MIER3: variants seen among roughly 807,000 people sequenced by gnomAD.
The protein encoded by MIER3 is MIER family member 3, also known as mesoderm induction early response protein 3.
Under a neutral mutation model 63.2 loss-of-function variants are expected in MIER3, and 9 were observed. That is an observed-to-expected ratio of 0.14 (90% CI 0.09 to 0.25). MIER3 has a LOEUF of 0.25. Among genes scored for constraint, MIER3 ranks in the 10% least tolerant of loss-of-function variants. The probability of loss-of-function intolerance (pLI) is 1.00; values close to 1 mark genes in which losing one functional copy is unlikely to be tolerated. For synonymous variants in MIER3, 205 were observed against 224.9 expected (o/e 0.91, Z 0.79); for missense variants, 512 against 666.2 (o/e 0.77, Z 2.55).
intron 6 of MIER3, 83 bp from the exon 7 acceptor site, chr5:56,935,583 A>G: frequency 6.6e-7 from 1 of 1,513,206 alleles, no homozygotes; most frequent in Non-Finnish European, 9.0e-7. Context: ...CAGTTTCTAC[A>G]AGTCAAAACA....
In MIER3 at chr5:56,937,642, C is replaced by T. The variant is rs145573991; in HGVS notation, c.372G>A (p.Ala124=). The T allele has an allele frequency of 3.5e-5, 56 of 1,612,006 alleles. 1 individual carries two copies. The African/African-American group carries it at 4.7e-4, about 13-fold the overall frequency. The change falls in exon 5 of 13, where the codon GCG becomes GCA. Residue 124 remains alanine (A), a synonymous_variant. Transcript: ENST00000381199. The part of the protein sequence containing the change: ...SGDDEETQSS[A]DDLTPSVTSH... The stretch of plus-strand genomic sequence containing the variant: ...AAGTCACAGATGGCGTCAGATCATC[C>T]GCAGAAGACTGAGTTTCCTCGTCAT...
chr5:56,928,770 A>G lies in MIER3; in HGVS notation c.921T>C (p.Asn307=). Residue 307 remains asparagine (N), a synonymous_variant, in exon 10 of 13, where the codon AAT becomes AAC. Coordinates refer to ENST00000381199, the MANE Select transcript of MIER3 (RefSeq NM_001297599.2). Reference sequence around the variant, plus strand: ...TGTACTAATCTGCCTAATTTACCTTATTCTTCTGTATAAGATGAAAATCTT... The same window carrying G: ...TGTACTAATCTGCCTAATTTACCTTGTTCTTCTGTATAAGATGAAAATCTT... The part of the protein sequence containing the change: ...FGKDFHLIQK[N]KVRTRTVAEC... 2 of 1,608,304 alleles carry G rather than the reference A, an allele frequency of 1.2e-6. No homozygotes were observed. Among genetic ancestry groups the G allele is most frequent in the Non-Finnish European group, 1.7e-6 (2 of 1,175,472 alleles).
intron 4 of MIER3, chr5:56,938,452 C>A: frequency 2.2e-6 from 1 of 454,750 alleles, no homozygotes; most frequent in South Asian, 1.6e-5. Context: ...AGATGGATCA[C>A]CGCGGTCTTG....
At chr5:56,939,146 G>T in intron 3 of MIER3, 129 bp from the exon 4 acceptor site, 1 of 1,028,478 alleles carries the variant, frequency 9.7e-7, no homozygotes, top group Non-Finnish European at 1.3e-6. Context: ...GCAAGTTTCA[G>T]TTTTTCTTTT....
chr5:56,951,430 T>C (rs1294777625), intron 1 of MIER3, among the ~76,000 whole-genome samples: 1 of 152,062 alleles, frequency 6.6e-6, no homozygotes, highest in Non-Finnish European at 1.5e-5. Flanking sequence ...AAACTGGAGC[T>C]ATCAAGCCGC....
chr5:56,927,341 A>G (rs1750042819), intron 10 of MIER3, among the ~76,000 whole-genome samples: 1 of 152,246 alleles, frequency 6.6e-6, no homozygotes, highest in African/African-American at 2.4e-5. Flanking sequence ...ATAGGAGTGG[A>G]AGGGACATAA....
chr5:56,926,767 C>A (rs1317732823), intron 10 of MIER3, among the ~76,000 whole-genome samples: 1 of 152,062 alleles, frequency 6.6e-6, no homozygotes, highest in Non-Finnish European at 1.5e-5. Context: ...AAAACCTGCA[C>A]ATGAATATTT....
At position 56,939,006 on chromosome 5, in the gene MIER3, C is replaced by T; in HGVS notation, c.192G>A (p.Met64Ile). 1 of 1,614,118 alleles carries T rather than the reference C, an allele frequency of 6.2e-7. No homozygotes were observed. ...EIEDLEKEGT[M>I]PLEDLLAFYG... ...AGAATGCCAGTAAATCTTCTAGAGG[C>T]ATGGTTCCTTCCTGTTCAAGCCAGG... The change falls in exon 4 of 13, where the codon ATG becomes ATA. Residue 64 changes from methionine to isoleucine, a missense_variant. Physicochemically the swap from Met to Ile is conservative, Grantham distance 10 (BLOSUM62 1). This residue lies in a region of MIER3 where 98 missense variants were observed against 107.4 expected (regional missense o/e 0.91). Transcript: ENST00000381199.
chr5:56,939,873 C>T (rs1750581140), intron 3 of MIER3, among the ~76,000 whole-genome samples: 1 of 152,188 alleles, frequency 6.6e-6, no homozygotes, highest in Non-Finnish European at 1.5e-5. Flanking sequence ...TATGCTACAC[C>T]ATATAGCCTA....
At chr5:56,932,770 CTAAA>C (rs1400811386) in intron 8 of MIER3, among the ~76,000 whole-genome samples, 3 of 151,938 alleles carry the variant, frequency 2.0e-5, no homozygotes, top group Non-Finnish European at 2.9e-5. Context: ...TAATCACTTC[CTAAA>C]TAAAGTTGAG....
intron 1 of MIER3, among the ~76,000 whole-genome samples, chr5:56,951,601 T>C (rs976364624): frequency 3.3e-5 from 5 of 152,090 alleles, no homozygotes; most frequent in African/African-American, 4.8e-5. Flanking sequence ...GTGCGGCTCC[T>C]TCGCGCCGCA....
intron 6 of MIER3, 45 bp downstream of exon 6, chr5:56,935,621 A>T (rs757602582): frequency 1.3e-6 from 2 of 1,562,588 alleles, no homozygotes; most frequent in Admixed American, 1.8e-5. Context: ...CATTTCAGAA[A>T]TATTTTTAAA....
Position 56,923,234 on chromosome 5 carries a change from T to TTGGCAC in MIER3, c.1541_1546dup (p.Ser514_Ala515dup). On this transcript the variant is annotated inframe_insertion, in exon 13 of 13. Coordinates refer to ENST00000381199, the MANE Select transcript of MIER3 (RefSeq NM_001297599.2). ...AAAGTCAGCCACAGAAACAGCCATT[T>TTGGCAC]TGGCACTGGTGATGTGATGTGTGTG... 1 of 1,614,106 alleles carries TTGGCAC rather than the reference T, an allele frequency of 6.2e-7. No homozygotes were observed. The highest frequency in any genetic ancestry group is 8.5e-7 in the Non-Finnish European group (1 of 1,180,004).
chr5:56,938,754 C>T, intron 4 of MIER3, 129 bp downstream of exon 4: 1 of 1,222,636 alleles, frequency 8.2e-7, no homozygotes, highest in Non-Finnish European at 1.1e-6. Context: ...TTTAAATCAG[C>T]CACCAAAATA....
At chr5:56,933,705 C>G (rs1044475809) in intron 7 of MIER3, among the ~76,000 whole-genome samples, 1 of 152,170 alleles carries the variant, frequency 6.6e-6, no homozygotes, top group Non-Finnish European at 1.5e-5. Flanking sequence ...TTATCTTATA[C>G]TCTTCTAATG....
intron 10 of MIER3, 97 bp from the exon 11 acceptor site, chr5:56,924,139 C>G: frequency 8.4e-7 from 1 of 1,189,966 alleles, no homozygotes; most frequent in African/African-American, 1.5e-5. Flanking sequence ...ATCCATGGGT[C>G]TTATTTTCCC....
chr5:56,933,163 CAT>C (rs561467837), intron 8 of MIER3, 82 bp downstream of exon 8: 107 of 1,348,668 alleles, frequency 7.9e-5, no homozygotes, highest in Middle Eastern at 5.8e-4. Context: ...ATCTACCTCA[CAT>C]GTTAAAAATA....
At chr5:56,944,526 C>T (rs538494797) in intron 3 of MIER3, among the ~76,000 whole-genome samples, 3 of 152,118 alleles carry the variant, frequency 2.0e-5, no homozygotes, top group East Asian at 1.9e-4. Context: ...ATCAACAAGG[C>T]CTCTGAGCCT....
At chr5:56,952,184 A>T, upstream of MIER3, 1 of 1,097,568 alleles carries the variant, frequency 9.1e-7, no homozygotes, top group South Asian at 4.1e-5. Flanking sequence ...CGCCGCCGCC[A>T]CCGCCGCGGT....
Sources: gnomAD v4.1 joint callset for allele counts (sites outside exome capture counted in the v4.1 genomes callset) on GRCh38, gnomAD v4.1.1 for gene constraint, gnomAD v4.1.1 regional missense constraint, MANE v1.5 for transcripts, NCBI Gene and HGNC (gene_info 2026-07-23, HGNC 2026-07-21) for gene names.